STK10: variants seen among roughly 807,000 people sequenced by gnomAD.
STK10 encodes serine/threonine-protein kinase 10.
Under a neutral mutation model 113.8 loss-of-function variants are expected in STK10, and 78 were observed. That is an observed-to-expected ratio of 0.69 (90% CI 0.57 to 0.83). The LOEUF (loss-of-function observed/expected upper bound fraction) is 0.83, where lower values mean the gene tolerates loss of function less well. Among genes scored for constraint, STK10 ranks in the 40% least tolerant of loss-of-function variants. The pLI, the probability that STK10 is intolerant of heterozygous loss-of-function variation, is 0.00. For synonymous variants in STK10, 465 were observed against 494.7 expected, an observed-to-expected ratio of 0.94 and a Z score of 0.80; for missense variants, 1,109 against 1,280.1, an observed-to-expected ratio of 0.87 and a Z score of 2.04.
At chr5:172,083,327 G>T (rs1768475439) in intron 10 of STK10, among the ~76,000 whole-genome samples, 1 of 151,888 alleles carries the variant, frequency 6.6e-6, no homozygotes, top group Admixed American at 6.6e-5. Flanking sequence ...AAAAAAAGTG[G>T]CAAAGAACAT....
intron 12 of STK10, among the ~76,000 whole-genome samples, chr5:172,076,195 G>GTCCTGTGCATTTGTTGTGGGGGCTA (rs2113722180): frequency 3.3e-5 from 3 of 89,956 alleles, no homozygotes; most frequent in Non-Finnish European, 4.4e-5. Flanking sequence ...TGTGGGGGCT[G>GTCCTGTGCATTTGTTGTGGGGGCTA]TCCTGTGCAT....
chr5:172,121,182 C>T (rs918892194), intron 3 of STK10, among the ~76,000 whole-genome samples: 5 of 151,856 alleles, frequency 3.3e-5, no homozygotes, highest in African/African-American at 4.8e-5. Context: ...GCATGTGCCA[C>T]GACGCCCGGC....
In STK10 at chr5:172,162,464, A is replaced by T. The variant is rs190718867; in HGVS notation, c.157-5676T>A. ...CTCTCTCTCTCTCACACACACACAC[A>T]CAGTCTTAACTGATTGTGTCCCTGC... On this transcript the variant is annotated intron_variant, in intron 1 of 18. Coordinates refer to ENST00000176763, the MANE Select transcript of STK10 (RefSeq NM_005990.4). Among the ~76,000 whole-genome samples, 103 of 152,288 alleles carry T rather than the reference A, an allele frequency of 6.8e-4. No homozygotes were observed. The East Asian group carries it at 0.012, about 17-fold the overall frequency.
intron 2 of STK10, among the ~76,000 whole-genome samples, chr5:172,134,745 CAA>C (rs33933488): frequency 1.1e-3 from 140 of 132,200 alleles, no homozygotes; most frequent in Non-Finnish European, 1.2e-3. Context: ...CTCATATTTA[CAA>C]AAAAAAAAAA....
intron 18 of STK10, among the ~76,000 whole-genome samples, chr5:172,049,465 G>T (rs534237796): frequency 6.6e-6 from 1 of 152,146 alleles, no homozygotes; most frequent in Non-Finnish European, 1.5e-5. Flanking sequence ...AGCAGGGAAC[G>T]AGGGAAGCGC....
chr5:172,149,264 G>A lies in STK10; in HGVS notation c.321+7360C>T, dbSNP rs1019724370. Among the ~76,000 whole-genome samples the A allele has an allele frequency of 4.6e-5, 7 of 152,194 alleles. No homozygotes were observed. The East Asian group carries it at 1.3e-3, about 29-fold the overall frequency. On this transcript the variant is annotated intron_variant, in intron 2 of 18. Coordinates refer to ENST00000176763, the MANE Select transcript of STK10 (RefSeq NM_005990.4). ...GCCTAGCACAGAAAACATTCCTGAC[G>A]AGGCCAACTATCCACATCATCATGT...
At chr5:172,162,667 T>C (rs1046713630) in intron 1 of STK10, among the ~76,000 whole-genome samples, 1 of 152,310 alleles carries the variant, frequency 6.6e-6, no homozygotes, top group East Asian at 1.9e-4. Context: ...GAAGGCTTAG[T>C]GGAGTGGCTA....
At chr5:172,112,074 C>G (rs946334640) in intron 4 of STK10, among the ~76,000 whole-genome samples, 1 of 152,132 alleles carries the variant, frequency 6.6e-6, no homozygotes, top group African/African-American at 2.4e-5. Context: ...GTGGTTCACC[C>G]CAGCTATGAA....
chr5:172,142,696 T>G (rs182428636), intron 2 of STK10, among the ~76,000 whole-genome samples: 1 of 152,244 alleles, frequency 6.6e-6, no homozygotes, highest in Admixed American at 6.5e-5. Flanking sequence ...GCCTGGTACA[T>G]AGTAAGTCAA....
In STK10 at chr5:172,090,322, T is replaced by G. The variant is rs746850981; in HGVS notation, c.1595A>C (p.Lys532Thr). Residue 532 changes from lysine to threonine, a missense_variant, in exon 10 of 19, where the codon AAA (lysine) becomes ACA (threonine). Physicochemically the swap from Lys to Thr is moderately conservative, Grantham distance 78 (BLOSUM62 -1). Around this residue, in one of 5 missense-constraint regions of STK10, gnomAD observed 885 missense variants for 991.1 expected, o/e 0.89. Transcript: ENST00000176763. ...CACCTCCACACCATCCACCACAAAT[T>G]TGCGTGTCCGCTTGAGGGTTTTTTT... ...LYKKTLKRTR[K>T]FVVDGVEVSI... is the part of the protein sequence containing the mutation. 39 of 1,613,890 alleles carry G rather than the reference T, an allele frequency of 2.4e-5. No individual in the cohort carries two copies. In the Admixed American group the frequency reaches 4.2e-4, roughly 17 times the overall value.
At chr5:172,071,536 C>T (rs1051731451) in intron 12 of STK10, among the ~76,000 whole-genome samples, 3 of 152,014 alleles carry the variant, frequency 2.0e-5, no homozygotes, top group Admixed American at 6.6e-5. Context: ...ACTCTTTGTT[C>T]ATTGTAATAG....
At chr5:172,067,038 A>C (rs1259023486) in intron 12 of STK10, among the ~76,000 whole-genome samples, 2 of 152,206 alleles carry the variant, frequency 1.3e-5, no homozygotes, top group Non-Finnish European at 2.9e-5. Flanking sequence ...ACGGACCCAC[A>C]GTCTACAGAA....
At chr5:172,169,606 T>C (rs894698368) in intron 1 of STK10, among the ~76,000 whole-genome samples, 1 of 152,034 alleles carries the variant, frequency 6.6e-6, no homozygotes. Context: ...TAGGTGGGTA[T>C]GAGAGGGATA....
intron 12 of STK10, among the ~76,000 whole-genome samples, chr5:172,078,947 C>CCACA (rs57963957): frequency 0.011 from 1,633 of 144,702 alleles, 9 homozygotes; most frequent in Middle Eastern, 0.029. Flanking sequence ...TCTTATAAGT[C>CCACA]CACACACACA....
At chr5:172,102,924 G>A (rs565254322) in intron 7 of STK10, among the ~76,000 whole-genome samples, 1 of 151,650 alleles carries the variant, frequency 6.6e-6, no homozygotes, top group East Asian at 1.9e-4. Context: ...CAGATTCTGG[G>A]TGGGGGGGGC....
At chr5:172,143,626 G>A (rs766866490) in intron 2 of STK10, among the ~76,000 whole-genome samples, 1 of 152,190 alleles carries the variant, frequency 6.6e-6, no homozygotes, top group African/African-American at 2.4e-5. Flanking sequence ...CTTCTGTGGG[G>A]CTGTCCTGAC....
At chr5:172,157,256 C>CT (rs1372578891) in intron 1 of STK10, among the ~76,000 whole-genome samples, 1 of 152,116 alleles carries the variant, frequency 6.6e-6, no homozygotes, top group African/African-American at 2.4e-5. Flanking sequence ...TACTTTCACT[C>CT]TGTTTAAAAT....
At chr5:172,117,335 G>C (rs959266096) in intron 4 of STK10, 146 bp downstream of exon 4, 2 of 786,726 alleles carry the variant, frequency 2.5e-6, no homozygotes, top group African/African-American at 3.5e-5. Flanking sequence ...AGTAGGAAGG[G>C]GAGAACTGCT....
intron 18 of STK10, chr5:172,045,617 C>G (rs868053766): frequency 6.3e-6 from 2 of 317,386 alleles, no homozygotes; most frequent in Middle Eastern, 8.0e-4. Context: ...GAGGAGAGCT[C>G]TAGTTGAAAA....
Sources: allele counts gnomAD v4.1 joint callset (sites outside exome capture counted in the v4.1 genomes callset), GRCh38; gene constraint gnomAD v4.1.1; regional missense constraint gnomAD v4.1.1; transcripts MANE v1.5; gene names NCBI Gene and HGNC (gene_info 2026-07-23, HGNC 2026-07-21).